Variants in ANKS1B observed in about 807,000 individuals in gnomAD.
ANKS1B encodes the protein ankyrin repeat and sterile alpha motif domain containing 1B.
In ANKS1B, 36 loss-of-function variants were observed where a neutral mutation model predicts 148.3. The ratio of observed to expected loss-of-function variants is 0.24; its 90% CI spans 0.19 to 0.32. ANKS1B has a LOEUF of 0.32. Ranked by LOEUF, ANKS1B falls within the 10% of genes least tolerant of loss-of-function variation. ANKS1B has a pLI of 1.00. For synonymous variants in ANKS1B, 542 were observed against 560.8 expected (o/e 0.97, Z 0.47); for missense variants, 1,157 against 1,542.6 (o/e 0.75, Z 4.19).
intron 17 of ANKS1B, among the ~76,000 whole-genome samples, chr12:99,014,292 A>C (rs2099941146): frequency 6.6e-6 from 1 of 152,188 alleles, no homozygotes; most frequent in South Asian, 2.1e-4. Flanking sequence ...CTATTCAATA[A>C]ATGGTGCTGG....
chr12:99,318,014 C>T (rs938706725), intron 12 of ANKS1B, among the ~76,000 whole-genome samples: 1 of 152,162 alleles, frequency 6.6e-6, no homozygotes, highest in Non-Finnish European at 1.5e-5. Context: ...AGGGATGAAG[C>T]CCACTTGATC....
rs556312943 is a variant in ANKS1B at position 99,062,726 on chromosome 12, G to A, written c.2626-9417C>T. Among the ~76,000 whole-genome samples, 3 of 152,276 alleles carry A rather than the reference G, an allele frequency of 2.0e-5. 1 individual carries two copies. In the South Asian group the frequency reaches 6.2e-4, roughly 32 times the overall value. On this transcript the variant is annotated intron_variant, in intron 16 of 26. Transcript: ENST00000683438. ...GGGAGATGAGATTTTAGAAAGCACA[G>A]AGGAAAACACATGGAAAGGGGTAAA... is the stretch of plus-strand genomic sequence containing the variant.
intron 19 of ANKS1B, among the ~76,000 whole-genome samples, chr12:98,810,308 T>G (rs2099084699): frequency 6.6e-6 from 1 of 152,250 alleles, no homozygotes; most frequent in Non-Finnish European, 1.5e-5. Flanking sequence ...TATCTACATG[T>G]TAAGTCTCCA....
chr12:99,212,079 C>T (rs779298331), intron 14 of ANKS1B, among the ~76,000 whole-genome samples: 1 of 152,192 alleles, frequency 6.6e-6, no homozygotes. Flanking sequence ...ATTCTGCATA[C>T]TGATTTTGTC....
At chr12:99,157,457 G>A (rs1488306297) in intron 14 of ANKS1B, among the ~76,000 whole-genome samples, 1 of 152,218 alleles carries the variant, frequency 6.6e-6, no homozygotes, top group African/African-American at 2.4e-5. Flanking sequence ...GTACCTGGCA[G>A]AGCACGATAC....
intron 1 of ANKS1B, among the ~76,000 whole-genome samples, chr12:99,843,152 T>G (rs1013393716): frequency 6.6e-6 from 1 of 152,148 alleles, no homozygotes. Flanking sequence ...CTACATCATT[T>G]CTGTCATTTA....
intron 8 of ANKS1B, among the ~76,000 whole-genome samples, chr12:99,683,767 G>T (rs942878439): frequency 5.9e-5 from 9 of 152,066 alleles, no homozygotes; most frequent in African/African-American, 2.2e-4. Context: ...CATCAAAAAG[G>T]TAATCCACCA....
chr12:99,677,502 T>C (rs148013762), intron 8 of ANKS1B, among the ~76,000 whole-genome samples: 5 of 152,260 alleles, frequency 3.3e-5, no homozygotes, highest in African/African-American at 9.6e-5. Context: ...TTTCAGAAAA[T>C]ATCTTGTAAT....
chr12:99,898,422 A>G (rs988659958), intron 1 of ANKS1B, among the ~76,000 whole-genome samples: 1 of 152,066 alleles, frequency 6.6e-6, no homozygotes, highest in Non-Finnish European at 1.5e-5. Flanking sequence ...AAAAGAAAAA[A>G]CCTTCCCCAA....
At chr12:98,894,862 C>A in intron 17 of ANKS1B, 4 of 979,788 alleles carry the variant, frequency 4.1e-6, no homozygotes, top group Non-Finnish European at 3.6e-6. Flanking sequence ...GGGCTCTCCC[C>A]GCGAGCTCCC....
intron 1 of ANKS1B, among the ~76,000 whole-genome samples, chr12:99,937,372 T>C (rs1289178648): frequency 6.6e-6 from 1 of 152,162 alleles, no homozygotes; most frequent in Non-Finnish European, 1.5e-5. Context: ...TACAGCTACA[T>C]GGTCAATAAG....
intron 1 of ANKS1B, among the ~76,000 whole-genome samples, chr12:99,909,804 T>A (rs2093933465): frequency 6.6e-6 from 1 of 152,280 alleles, no homozygotes; most frequent in South Asian, 2.1e-4. Context: ...ATGTCATAGT[T>A]CCCTTTCTTT....
chr12:99,502,338 A>C (rs2096663905), intron 10 of ANKS1B, among the ~76,000 whole-genome samples: 1 of 152,024 alleles, frequency 6.6e-6, no homozygotes, highest in Non-Finnish European at 1.5e-5. Context: ...CATTGTTTTC[A>C]TTCTCCATGA....
chr12:99,572,892 C>G (rs183596968), intron 9 of ANKS1B, among the ~76,000 whole-genome samples: 6 of 151,932 alleles, frequency 3.9e-5, no homozygotes, highest in Non-Finnish European at 8.8e-5. Flanking sequence ...TAATATGTAT[C>G]GTGTTTACAT....
intron 1 of ANKS1B, among the ~76,000 whole-genome samples, chr12:99,905,043 T>C (rs2093730124): frequency 6.6e-6 from 1 of 152,214 alleles, no homozygotes; most frequent in African/African-American, 2.4e-5. Flanking sequence ...CAATATGATA[T>C]CTAAAATAGT....
intron 12 of ANKS1B, among the ~76,000 whole-genome samples, chr12:99,298,561 G>A (rs555211554): frequency 1.8e-4 from 27 of 152,146 alleles, no homozygotes; most frequent in East Asian, 3.8e-4. Context: ...AGCAGTGTGA[G>A]AACAGACTAA....
chr12:99,624,616 C>T (rs1229041595), intron 9 of ANKS1B, among the ~76,000 whole-genome samples: 1 of 152,006 alleles, frequency 6.6e-6, no homozygotes, highest in African/African-American at 2.4e-5. Context: ...CAAAGGAATG[C>T]ATACAAGTAG....
At position 99,538,026 on chromosome 12, in the gene ANKS1B, G is replaced by C. The variant is rs2097090242; in HGVS notation, c.1273-33385C>G. 3.3e-5 allele frequency among the ~76,000 whole-genome samples: 5 copies of C among 152,020 alleles called. 1 individual carries two copies. The South Asian group carries it at 1.0e-3, about 32-fold the overall frequency. The stretch of plus-strand genomic sequence containing the variant: ...TATTGAAGAGACTGTCTTTTCCCCA[G>C]TGTATGTTCTTGGCACTTTTGTCAA... On this transcript the variant is annotated intron_variant, in intron 9 of 26. Coordinates refer to ENST00000683438, the MANE Select transcript of ANKS1B (RefSeq NM_001352186.2).
chr12:99,918,590 G>C (rs2094246861), intron 1 of ANKS1B, among the ~76,000 whole-genome samples: 1 of 152,164 alleles, frequency 6.6e-6, no homozygotes, highest in Admixed American at 6.5e-5. Context: ...GTCTCATCTA[G>C]AGTCCTTGCT....
Sources: gnomAD v4.1 joint callset for allele counts (sites outside exome capture counted in the v4.1 genomes callset) on GRCh38, gnomAD v4.1.1 for gene constraint, MANE v1.5 for transcripts, NCBI Gene and HGNC (gene_info 2026-07-23, HGNC 2026-07-21) for gene names.